Variants in DTNA observed in about 807,000 individuals in gnomAD.
The protein encoded by DTNA is dystrophin-related protein 3.
In DTNA, 43 loss-of-function variants were observed where a neutral mutation model predicts 100.7. That is an observed-to-expected ratio of 0.43 (90% CI 0.33 to 0.55). The LOEUF (loss-of-function observed/expected upper bound fraction) is 0.55. Among genes scored for constraint, DTNA ranks in the 20% least tolerant of loss-of-function variants. The pLI is 0.04. For synonymous variants in DTNA, 349 were observed against 347.9 expected, an observed-to-expected ratio of 1.00 and a Z score of -0.04; for missense variants, 798 against 953.9, an observed-to-expected ratio of 0.84 and a Z score of 2.15.
intron 16 of DTNA, among the ~76,000 whole-genome samples, chr18:34,861,125 T>TAC: frequency 6.6e-6 from 1 of 152,196 alleles, no homozygotes; most frequent in Non-Finnish European, 1.5e-5. Flanking sequence ...TTAATGTTGA[T>TAC]ATATGGTATT....
chr18:34,707,915 AG>A (rs2082317103), upstream of DTNA, among the ~76,000 whole-genome samples: 1 of 152,172 alleles, frequency 6.6e-6, no homozygotes, highest in Admixed American at 6.5e-5. Context: ...GGATTTTTCA[AG>A]GTTGGAGCAG....
intron 1 of DTNA, among the ~76,000 whole-genome samples, chr18:34,518,914 A>G (rs1354501663): frequency 2.6e-5 from 4 of 152,130 alleles, no homozygotes; most frequent in Non-Finnish European, 5.9e-5. Context: ...GACTTGAACA[A>G]TACAAGTGGA....
intron 1 of DTNA, among the ~76,000 whole-genome samples, chr18:34,677,499 A>G (rs886792506): frequency 1.3e-5 from 2 of 152,226 alleles, no homozygotes; most frequent in Non-Finnish European, 2.9e-5. Context: ...AGAGCTGGAT[A>G]TAAGTTTATC....
chr18:34,551,558 A>G lies in DTNA; in HGVS notation c.-2+58044A>G, dbSNP rs147975149. Among the ~76,000 whole-genome samples, 338 of 152,208 alleles carry G rather than the reference A, an allele frequency of 2.2e-3. 1 individual carries two copies. Among genetic ancestry groups the G allele is most frequent in the African/African-American group, 7.6e-3 (314 of 41,550 alleles). ...TGCCCAATCTGGGATGTATAAGGTGAAAAGAAAACCCAGGGAACTCATTGC... is the reference window on the plus strand; with the variant it reads ...TGCCCAATCTGGGATGTATAAGGTGGAAAGAAAACCCAGGGAACTCATTGC... On this transcript the variant is annotated intron_variant, in intron 1 of 19. Coordinates refer to the DTNA transcript ENST00000283365.
At chr18:34,579,900 C>A (rs999674429) in intron 1 of DTNA, among the ~76,000 whole-genome samples, 2 of 152,068 alleles carry the variant, frequency 1.3e-5, no homozygotes, top group African/African-American at 2.4e-5. Context: ...TCAGGTATTT[C>A]TTCTCCTTGA....
chr18:34,513,015 T>C (rs1308537027), intron 1 of DTNA, among the ~76,000 whole-genome samples: 2 of 152,094 alleles, frequency 1.3e-5, no homozygotes, highest in Admixed American at 6.6e-5. Context: ...AATCTAATAA[T>C]CCATGGAAAA....
At chr18:34,847,635 A>G (rs763652682) in intron 13 of DTNA, among the ~76,000 whole-genome samples, 2 of 152,170 alleles carry the variant, frequency 1.3e-5, no homozygotes, top group Non-Finnish European at 1.5e-5. Flanking sequence ...TGGGTTTCTC[A>G]TCACCTAGGT....
chr18:34,689,739 G>A (rs945941609), intron 1 of DTNA, among the ~76,000 whole-genome samples: 6 of 152,150 alleles, frequency 3.9e-5, no homozygotes, highest in African/African-American at 1.2e-4. Flanking sequence ...CTGAAGCTGC[G>A]CCCACAGCTG....
In DTNA at chr18:34,882,097, C is replaced by T; in HGVS notation, c.2191C>T (p.Gln731Ter). The change falls in exon 21 of 23, where the codon CAG becomes TAG. Residue 731 changes from glutamine (Q) to a stop codon, truncating the protein, a stop_gained. Transcript: ENST00000444659. LOFTEE classifies it high-confidence loss of function. ...TACGGAGGATGCAGATCCCTATGTGCAGCCTGAAGATGAAAACTATGAAAA... is the reference window on the plus strand; with the variant it reads ...TACGGAGGATGCAGATCCCTATGTGTAGCCTGAAGATGAAAACTATGAAAA... The part of the protein sequence containing the change: ...MVTEDADPYV[Q>*]PEDENYENDS... The T allele has an allele frequency of 1.2e-6, 2 of 1,614,054 alleles. No individual in the cohort carries two copies. Among genetic ancestry groups the T allele is most frequent in the Non-Finnish European group, 1.7e-6 (2 of 1,179,962 alleles).
chr18:34,609,427 G>T (rs535056812), intron 1 of DTNA, among the ~76,000 whole-genome samples: 1 of 151,976 alleles, frequency 6.6e-6, no homozygotes, highest in East Asian at 1.9e-4. Flanking sequence ...TGTATTTTTA[G>T]TAGAGACGGA....
chr18:34,581,239 T>C (rs12967743), intron 1 of DTNA, among the ~76,000 whole-genome samples: 15,629 of 146,068 alleles, frequency 0.11, 1,174 homozygotes, highest in African/African-American at 0.21. Context: ...CAGAGCGAGA[T>C]TGGGTCTCAA....
chr18:34,739,944 G>A (rs1373096106), intron 1 of DTNA, among the ~76,000 whole-genome samples: 1 of 152,030 alleles, frequency 6.6e-6, no homozygotes, highest in Non-Finnish European at 1.5e-5. Context: ...TGCAGGTCTG[G>A]CTTTTATTTG....
chr18:34,845,064 G>T (rs1439327072), intron 13 of DTNA, among the ~76,000 whole-genome samples: 1 of 152,182 alleles, frequency 6.6e-6, no homozygotes, highest in Non-Finnish European at 1.5e-5. Flanking sequence ...AATAGCTAGG[G>T]CTGGAGAAAG....
intron 1 of DTNA, among the ~76,000 whole-genome samples, chr18:34,750,942 C>A (rs955182503): frequency 6.6e-6 from 1 of 152,172 alleles, no homozygotes; most frequent in African/African-American, 2.4e-5. Context: ...ACACTGTATT[C>A]CCTACCTTTG....
chr18:34,836,555 G>T (rs2096150452), intron 11 of DTNA, among the ~76,000 whole-genome samples: 1 of 151,262 alleles, frequency 6.6e-6, no homozygotes, highest in African/African-American at 2.4e-5. Context: ...GGCTGAGGCA[G>T]GAGAATCACT....
chr18:34,540,296 G>T (rs2044124889), intron 1 of DTNA, among the ~76,000 whole-genome samples: 1 of 151,970 alleles, frequency 6.6e-6, no homozygotes, highest in African/African-American at 2.4e-5. Flanking sequence ...GGAAAGGAAA[G>T]AATAGAACAC....
intron 1 of DTNA, among the ~76,000 whole-genome samples, chr18:34,605,082 G>A (rs1030221972): frequency 2.7e-5 from 4 of 150,620 alleles, no homozygotes; most frequent in East Asian, 3.9e-4. Flanking sequence ...AAAACAATGG[G>A]CATTTTCTTT....
At chr18:34,765,554 A>G (rs11872246) in intron 2 of DTNA, among the ~76,000 whole-genome samples, 4,769 of 152,290 alleles carry the variant, frequency 0.031, 259 homozygotes, top group African/African-American at 0.11. Context: ...CAGTCAGTAC[A>G]TGGTCACCTA....
chr18:34,820,858 C>A lies in DTNA; in HGVS notation c.944C>A (p.Pro315His). The change falls in exon 9 of 23, where the codon CCT (proline) becomes CAT (histidine). Residue 315 changes from proline to histidine, a missense_variant. By Grantham distance (77) the Pro-to-His change is moderately conservative. Transcript: ENST00000444659. ...KSLSCASSRE[P>H]LHPMFPDQPE... ...CTGAGCTGTGCTTCCAGCCGTGAACCTTTGCACCCCATGTTCCCAGATCAG... is the reference window on the plus strand; with the variant it reads ...CTGAGCTGTGCTTCCAGCCGTGAACATTTGCACCCCATGTTCCCAGATCAG... 1 of 1,614,066 alleles carries A rather than the reference C, an allele frequency of 6.2e-7. No individual in the cohort carries two copies. Among genetic ancestry groups the A allele is most frequent in the Non-Finnish European group, 8.5e-7 (1 of 1,180,014 alleles).
Sources: allele counts gnomAD v4.1 joint callset (sites outside exome capture counted in the v4.1 genomes callset), GRCh38; gene constraint gnomAD v4.1.1; transcripts MANE v1.5; gene names NCBI Gene and HGNC (gene_info 2026-07-23, HGNC 2026-07-21).